Variants in NCKAP5 observed in about 807,000 individuals in gnomAD.
NCKAP5 encodes the protein NCK associated protein 5.
Under a neutral mutation model 167.0 loss-of-function variants are expected in NCKAP5, and 92 were observed. That is an observed-to-expected ratio of 0.55 (90% CI 0.47 to 0.66). The LOEUF (loss-of-function observed/expected upper bound fraction) is 0.66, where lower values mean the gene tolerates loss of function less well. NCKAP5 is among the 30% of genes least tolerant of loss of function. NCKAP5 has a pLI of 0.00. For missense variants in NCKAP5, 2,378 were observed against 2,315.0 expected (o/e 1.03, Z -0.56); for synonymous variants, 891 against 877.4 (o/e 1.02, Z -0.27).
At chr2:133,298,212 G>A (rs1680101333) in intron 4 of NCKAP5, among the ~76,000 whole-genome samples, 1 of 152,116 alleles carries the variant, frequency 6.6e-6, no homozygotes, top group Non-Finnish European at 1.5e-5. Flanking sequence ...GTAATTTCAT[G>A]ATTCAATAAA....
chr2:133,074,867 C>A (rs1021790812), intron 6 of NCKAP5, among the ~76,000 whole-genome samples: 2 of 152,046 alleles, frequency 1.3e-5, no homozygotes, highest in African/African-American at 4.8e-5. Flanking sequence ...CTAACTAACA[C>A]CCATGTCACT....
At chr2:132,877,246 C>T (rs1173231092) in intron 9 of NCKAP5, among the ~76,000 whole-genome samples, 1 of 152,162 alleles carries the variant, frequency 6.6e-6, no homozygotes, top group Non-Finnish European at 1.5e-5. Flanking sequence ...CAAGATTATT[C>T]TGGTCTTTTA....
chr2:133,064,350 A>C (rs562113715), intron 6 of NCKAP5, among the ~76,000 whole-genome samples: 1 of 152,238 alleles, frequency 6.6e-6, no homozygotes, highest in Non-Finnish European at 1.5e-5. Flanking sequence ...TGTTTGTTTC[A>C]TTATGGTTTG....
intron 8 of NCKAP5, among the ~76,000 whole-genome samples, chr2:132,962,749 C>A (rs2076554383): frequency 6.6e-6 from 1 of 152,112 alleles, no homozygotes; most frequent in Non-Finnish European, 1.5e-5. Flanking sequence ...TGCCACCACG[C>A]CTGGCTAATT....
chr2:132,998,304 C>T (rs1422093694), intron 6 of NCKAP5, among the ~76,000 whole-genome samples: 1 of 152,108 alleles, frequency 6.6e-6, no homozygotes, highest in Non-Finnish European at 1.5e-5. Flanking sequence ...CCCCATTTTT[C>T]TTGGCTTTAT....
At chr2:133,635,480 T>C in the NCKAP5 span, among the ~76,000 whole-genome samples, 5 of 152,318 alleles carry the variant, frequency 3.3e-5, no homozygotes, top group South Asian at 1.0e-3. Flanking sequence ...AGACCTAACA[T>C]AGAAATAAAA....
intron 11 of NCKAP5, among the ~76,000 whole-genome samples, chr2:132,807,448 T>C (rs1221883342): frequency 1.3e-5 from 2 of 152,182 alleles, no homozygotes; most frequent in African/African-American, 4.8e-5. Context: ...CAGTGTTTTG[T>C]AGTTTTCCTT....
chr2:132,801,856 G>T (rs1259602486), intron 11 of NCKAP5, among the ~76,000 whole-genome samples: 2 of 152,208 alleles, frequency 1.3e-5, no homozygotes, highest in Non-Finnish European at 2.9e-5. Flanking sequence ...GGATGAAGGT[G>T]GAGTGGACCC....
intron 6 of NCKAP5, among the ~76,000 whole-genome samples, chr2:133,001,897 T>C (rs2149333910): frequency 6.6e-6 from 1 of 152,302 alleles, no homozygotes; most frequent in African/African-American, 2.4e-5. Context: ...AACCTTGAAT[T>C]TGCCATGCAC....
chr2:133,420,201 A>G (rs546711331), intron 3 of NCKAP5, among the ~76,000 whole-genome samples: 53 of 152,384 alleles, frequency 3.5e-4, no homozygotes, highest in African/African-American at 1.1e-3. Context: ...TATAATAGCC[A>G]AAATGTAGAA....
At chr2:132,754,220 C>T (rs573586401) in intron 16 of NCKAP5, among the ~76,000 whole-genome samples, 4 of 152,296 alleles carry the variant, frequency 2.6e-5, no homozygotes, top group Middle Eastern at 3.4e-3. Context: ...GGTTTCTCTT[C>T]TCTGTCTGAC....
At chr2:132,848,734 G>C (rs1358488578) in intron 11 of NCKAP5, among the ~76,000 whole-genome samples, 2 of 152,128 alleles carry the variant, frequency 1.3e-5, no homozygotes, top group African/African-American at 2.4e-5. Context: ...GAGGCAGAAG[G>C]GTCACTTGAG....
At chr2:133,274,323 G>A (rs1054083409) in intron 4 of NCKAP5, among the ~76,000 whole-genome samples, 6 of 152,010 alleles carry the variant, frequency 3.9e-5, no homozygotes, top group East Asian at 1.9e-4. Context: ...TAGAAGATAC[G>A]AATAAACTTA....
intron 2 of NCKAP5, among the ~76,000 whole-genome samples, chr2:133,548,348 C>A (rs1043726769): frequency 2.6e-5 from 4 of 151,986 alleles, no homozygotes; most frequent in African/African-American, 9.7e-5. Flanking sequence ...GCAAGGCAGG[C>A]CAATGTTCAG....
chr2:133,434,791 A>T (rs1559482174), intron 3 of NCKAP5, among the ~76,000 whole-genome samples: 1 of 152,010 alleles, frequency 6.6e-6, no homozygotes, highest in African/African-American at 2.4e-5. Context: ...TTCCACCAAT[A>T]TTTTTTTTAA....
the NCKAP5 span, among the ~76,000 whole-genome samples, chr2:133,666,494 G>A: frequency 0.012 from 1,842 of 151,880 alleles, 25 homozygotes; most frequent in Non-Finnish European, 0.019. Flanking sequence ...CACCGTGCCC[G>A]GCCTTACATG....
intron 6 of NCKAP5, among the ~76,000 whole-genome samples, chr2:133,057,024 T>C (rs1406000851): frequency 6.6e-6 from 1 of 152,224 alleles, no homozygotes; most frequent in Non-Finnish European, 1.5e-5. Context: ...TCAAACTTTT[T>C]CATTTTTAGT....
chr2:132,707,834 T>G (rs1040751799), intron 19 of NCKAP5, among the ~76,000 whole-genome samples: 3 of 152,178 alleles, frequency 2.0e-5, no homozygotes, highest in Admixed American at 6.5e-5. Flanking sequence ...AAAGAAGACT[T>G]TGTCTTGCAA....
chr2:133,353,864 C>T (rs896284737), intron 3 of NCKAP5, among the ~76,000 whole-genome samples: 1 of 152,194 alleles, frequency 6.6e-6, no homozygotes, highest in Non-Finnish European at 1.5e-5. Context: ...AGAGCTACCT[C>T]CACCACTCAG....
Sources: allele counts gnomAD v4.1 joint callset (sites outside exome capture counted in the v4.1 genomes callset), GRCh38; gene constraint gnomAD v4.1.1; transcripts MANE v1.5; gene names NCBI Gene and HGNC (gene_info 2026-07-23, HGNC 2026-07-21).